NR3C2: variants seen among roughly 807,000 people sequenced by gnomAD.
NR3C2 encodes the protein nuclear receptor subfamily 3 group C member 2, also known as mineralocorticoid receptor.
Under a neutral mutation model 86.4 loss-of-function variants are expected in NR3C2, and 15 were observed. The observed-to-expected ratio is 0.17, with a 90% CI of 0.12 to 0.27. NR3C2 has a LOEUF of 0.27. NR3C2 is among the 10% of genes least tolerant of loss of function. The pLI is 1.00. For missense variants in NR3C2, 960 were observed against 1,195.6 expected (o/e 0.80, Z 2.91); for synonymous variants, 458 against 450.5 (o/e 1.02, Z -0.21).
At position 148,291,757 on chromosome 4, in the gene NR3C2, C is replaced by T. The variant is rs376255320; in HGVS notation, c.1758-31640G>A. On this transcript the variant is annotated intron_variant, in intron 2 of 8. Coordinates refer to ENST00000358102, the MANE Select transcript of NR3C2 (RefSeq NM_000901.5). Reference sequence around the variant, plus strand: ...TATTTCTACTAATGTATAGATGCCCCCTTCTTACAATGGGGTTATTTCCTA... The same window carrying T: ...TATTTCTACTAATGTATAGATGCCCTCTTCTTACAATGGGGTTATTTCCTA... Among the ~76,000 whole-genome samples, 76 of 152,192 alleles carry T rather than the reference C, an allele frequency of 5.0e-4. 2 individuals carry two copies. In the South Asian group the frequency reaches 0.015, roughly 30 times the overall value.
intron 2 of NR3C2, among the ~76,000 whole-genome samples, chr4:148,389,174 T>C (rs976318338): frequency 6.6e-6 from 1 of 152,176 alleles, no homozygotes; most frequent in African/African-American, 2.4e-5. Flanking sequence ...ACAACCAGGT[T>C]TTTTGAAGCA....
At chr4:148,191,571 A>C (rs1156473810) in intron 4 of NR3C2, among the ~76,000 whole-genome samples, 2 of 152,202 alleles carry the variant, frequency 1.3e-5, no homozygotes, top group African/African-American at 2.4e-5. Context: ...ATTCCCCCAA[A>C]TATGCTTTCC....
At chr4:148,326,908 A>T (rs1461318325) in intron 2 of NR3C2, among the ~76,000 whole-genome samples, 1 of 152,220 alleles carries the variant, frequency 6.6e-6, no homozygotes, top group African/African-American at 2.4e-5. Context: ...GGAAAATTCA[A>T]AGAGCTCAGT....
chr4:148,308,232 A>G (rs1278848163), intron 2 of NR3C2, among the ~76,000 whole-genome samples: 3 of 152,138 alleles, frequency 2.0e-5, no homozygotes, highest in East Asian at 3.9e-4. Flanking sequence ...AGAAAGCGAC[A>G]AATATAAACC....
chr4:148,120,038 T>G (rs1454384101), intron 7 of NR3C2, 120 bp downstream of exon 7: 46 of 1,321,008 alleles, frequency 3.5e-5, no homozygotes, highest in Non-Finnish European at 4.7e-5. Flanking sequence ...TTCTTCAGTG[T>G]TTCTGTTTGG....
chr4:148,411,000 A>G (rs1560717478), intron 2 of NR3C2, among the ~76,000 whole-genome samples: 1 of 152,160 alleles, frequency 6.6e-6, no homozygotes, highest in East Asian at 1.9e-4. Flanking sequence ...CCTTCAACTC[A>G]ATGTCATCTT....
intron 8 of NR3C2, among the ~76,000 whole-genome samples, chr4:148,084,933 C>A (rs1394723989): frequency 1.3e-5 from 2 of 152,082 alleles, no homozygotes; most frequent in African/African-American, 2.4e-5. Context: ...GTAAAGGGAT[C>A]AATGCAAAAA....
intron 6 of NR3C2, among the ~76,000 whole-genome samples, chr4:148,133,596 T>G (rs1733136841): frequency 6.6e-6 from 1 of 152,194 alleles, no homozygotes. Flanking sequence ...AATAAAAGAT[T>G]TGTATTAACC....
chr4:148,371,029 G>T (rs1746390622), intron 2 of NR3C2, among the ~76,000 whole-genome samples: 1 of 152,040 alleles, frequency 6.6e-6, no homozygotes, highest in Non-Finnish European at 1.5e-5. Flanking sequence ...ACCATGTCTG[G>T]CTCCCTGTAT....
At chr4:148,256,495 G>C (rs1265104564) in intron 3 of NR3C2, among the ~76,000 whole-genome samples, 1 of 152,082 alleles carries the variant, frequency 6.6e-6, no homozygotes, top group Non-Finnish European at 1.5e-5. Flanking sequence ...ATTTTTCACA[G>C]CAATGTTCGG....
chr4:148,333,810 T>A (rs1413143245), intron 2 of NR3C2, among the ~76,000 whole-genome samples: 1 of 152,154 alleles, frequency 6.6e-6, no homozygotes, highest in African/African-American at 2.4e-5. Context: ...GCTGGACCAG[T>A]TCTAGTCCCT....
chr4:148,320,045 C>T (rs1051568038), intron 2 of NR3C2, among the ~76,000 whole-genome samples: 5 of 141,100 alleles, frequency 3.5e-5, no homozygotes, highest in Admixed American at 1.4e-4. Flanking sequence ...TTTTGAAATA[C>T]GTCCCATCAT....
intron 3 of NR3C2, among the ~76,000 whole-genome samples, chr4:148,257,812 T>C (rs761955803): frequency 2.6e-5 from 4 of 152,130 alleles, no homozygotes; most frequent in Non-Finnish European, 5.9e-5. Context: ...ATTAACAGCA[T>C]TGTTTCAAGC....
At chr4:148,246,516 T>C (rs189994259) in intron 3 of NR3C2, among the ~76,000 whole-genome samples, 17 of 152,312 alleles carry the variant, frequency 1.1e-4, no homozygotes, top group Admixed American at 2.0e-4. Flanking sequence ...AAATAAATCC[T>C]AATCAGAAAT....
intron 8 of NR3C2, among the ~76,000 whole-genome samples, chr4:148,085,239 C>G (rs1023486798): frequency 6.6e-6 from 1 of 152,046 alleles, no homozygotes; most frequent in African/African-American, 2.4e-5. Context: ...AAATTGACCA[C>G]GTAATTGGAA....
chr4:148,202,328 C>G lies in NR3C2; in HGVS notation c.1898-7466G>C, dbSNP rs79742588. Among the ~76,000 whole-genome samples, 72 of 152,320 alleles carry G rather than the reference C, an allele frequency of 4.7e-4. 1 individual carries two copies. The East Asian group carries it at 0.014, about 29-fold the overall frequency. ...TGCTACATCACAGGCCTCTCTCCATCCCCTTTACTCAGTCTGCCTTCATTA... is the reference window on the plus strand; with the variant it reads ...TGCTACATCACAGGCCTCTCTCCATGCCCTTTACTCAGTCTGCCTTCATTA... On this transcript the variant is annotated intron_variant, in intron 3 of 8. Transcript: ENST00000358102.
chr4:148,321,545 C>T (rs1228034098), intron 2 of NR3C2, among the ~76,000 whole-genome samples: 2 of 152,054 alleles, frequency 1.3e-5, no homozygotes, highest in South Asian at 2.1e-4. Flanking sequence ...GGACTTGCTT[C>T]ATGAATCTTG....
chr4:148,090,560 G>A (rs1187372955), intron 8 of NR3C2, among the ~76,000 whole-genome samples: 1 of 152,236 alleles, frequency 6.6e-6, no homozygotes, highest in Non-Finnish European at 1.5e-5. Context: ...GCACATCTGT[G>A]AACCTGCTAA....
intron 2 of NR3C2, among the ~76,000 whole-genome samples, chr4:148,352,270 T>C (rs535849889): frequency 2.0e-5 from 3 of 152,312 alleles, no homozygotes; most frequent in East Asian, 3.9e-4. Context: ...GTAAAGCTTA[T>C]GGGATATTAC....
Sources: gnomAD v4.1 joint callset for allele counts (sites outside exome capture counted in the v4.1 genomes callset) on GRCh38, gnomAD v4.1.1 for gene constraint, MANE v1.5 for transcripts, NCBI Gene and HGNC (gene_info 2026-07-23, HGNC 2026-07-21) for gene names.